ZDBF2: variants seen among roughly 807,000 people sequenced by gnomAD.
The protein encoded by ZDBF2 is DBF4-type zinc finger-containing protein 2.
ZDBF2 carries 6 observed loss-of-function variants against 9.4 expected under a neutral mutation model. That is an observed-to-expected ratio of 0.64 (90% CI 0.35 to 1.27). The LOEUF is 1.27. Among genes scored for constraint, ZDBF2 ranks in the 50% most tolerant of loss-of-function variants. The probability of loss-of-function intolerance (pLI) is 0.03; values close to 1 mark genes in which losing one functional copy is unlikely to be tolerated. For missense variants in ZDBF2, 2,697 were observed against 2,766.8 expected, an observed-to-expected ratio of 0.97 and a Z score of 0.57; for synonymous variants, 905 against 946.3, an observed-to-expected ratio of 0.96 and a Z score of 0.80.
intron 3 of ZDBF2, among the ~76,000 whole-genome samples, chr2:206,286,521 A>G (rs1379436609): frequency 6.6e-6 from 1 of 151,904 alleles, no homozygotes; most frequent in Non-Finnish European, 1.5e-5. Context: ...AGTGCATGGA[A>G]TATCTTTTTC....
chr2:206,285,105 A>G (rs911316809), intron 3 of ZDBF2, among the ~76,000 whole-genome samples: 9 of 152,188 alleles, frequency 5.9e-5, no homozygotes, highest in African/African-American at 2.2e-4. Flanking sequence ...CTGTAGTAAT[A>G]AACATGGGGA....
At chr2:206,298,570 T>C (rs12477344) in intron 4 of ZDBF2, among the ~76,000 whole-genome samples, 82,030 of 152,046 alleles carry the variant, frequency 0.54, 22,760 homozygotes, top group Admixed American at 0.6. Flanking sequence ...TCACCCAGGC[T>C]GGACTGCAGT....
At chr2:206,288,776 G>A (rs1482486949) in intron 3 of ZDBF2, among the ~76,000 whole-genome samples, 6 of 152,128 alleles carry the variant, frequency 3.9e-5, no homozygotes, top group African/African-American at 1.4e-4. Context: ...GCACAGCACT[G>A]ACCTGACTCC....
At position 206,312,725 on chromosome 2, in the gene ZDBF2, T is replaced by C. The variant is rs1200569423; in HGVS notation, c.*1132T>C. On this transcript the variant is annotated 3_prime_UTR_variant, in exon 5 of 5. Coordinates refer to ENST00000374423, the MANE Select transcript of ZDBF2 (RefSeq NM_020923.3). ...CACCATGCCCAGCCTACCATATCAGTTTTTAATAACTTGAACTGAAATTAT... is the reference window on the plus strand; with the variant it reads ...CACCATGCCCAGCCTACCATATCAGCTTTTAATAACTTGAACTGAAATTAT... The C allele has an allele frequency of 6.6e-6, 1 of 152,150 alleles. No homozygotes were observed. Among genetic ancestry groups the C allele is most frequent in the East Asian group, 1.9e-4 (1 of 5,194 alleles). 9.4% of individuals were successfully genotyped at this position (152,150 alleles called of 1,614,324 possible).
chr2:206,304,323 A>C (rs1438606521), intron 4 of ZDBF2, among the ~76,000 whole-genome samples: 1 of 152,224 alleles, frequency 6.6e-6, no homozygotes, highest in East Asian at 1.9e-4. Flanking sequence ...GTAACAATTA[A>C]TTTACTCATC....
At position 206,309,470 on chromosome 2, in the gene ZDBF2, G is replaced by A. The variant is rs1367324012; in HGVS notation, c.4942G>A (p.Val1648Met). The A allele has an allele frequency of 6.2e-7, 1 of 1,613,868 alleles. No individual in the cohort carries two copies. The highest frequency in any genetic ancestry group is 1.1e-5 in the South Asian group (1 of 91,070). ...GTCACAAGGACCTGATGAGAAAATG[G>A]TGAAATATATTGATTCAGAAGATAA... ...YESQGPDEKM[V>M]KYIDSEDKSC... Residue 1648 changes from valine to methionine, a missense_variant, in exon 5 of 5, where the codon GTG becomes ATG. This residue lies in a region of ZDBF2 where 1,783 missense variants were observed against 1,776.5 expected (regional missense o/e 1.00). Transcript: ENST00000374423.
intron 3 of ZDBF2, chr2:206,292,071 C>T (rs955369171): frequency 1.5e-5 from 6 of 398,012 alleles, no homozygotes; most frequent in African/African-American, 6.2e-5. Flanking sequence ...AAATGATTCC[C>T]GATGGAAGCT....
At chr2:206,303,068 GT>G (rs911151823) in intron 4 of ZDBF2, among the ~76,000 whole-genome samples, 11 of 152,110 alleles carry the variant, frequency 7.2e-5, no homozygotes, top group African/African-American at 2.4e-4. Context: ...ACAGTCCATG[GT>G]TTATTCAGAC....
chr2:206,309,965 G>A lies in ZDBF2; in HGVS notation c.5437G>A (p.Asp1813Asn). ...AAAGGATGTCATAGAGGATAATCCT[G>A]ATGAACCAGTTCTTGAAGCCTTGCC... ...KAKDVIEDNP[D>N]EPVLEALPHV... The change falls in exon 5 of 5, where the codon GAT becomes AAT. Residue 1813 changes from aspartate to asparagine, a missense_variant. Coordinates refer to ENST00000374423, the MANE Select transcript of ZDBF2 (RefSeq NM_020923.3). 1 of 1,613,334 alleles carries A rather than the reference G, an allele frequency of 6.2e-7. No individual in the cohort carries two copies. The highest frequency in any genetic ancestry group is 8.5e-7 in the Non-Finnish European group (1 of 1,179,746).
At position 206,274,753 on chromosome 2, in the gene ZDBF2, C is replaced by G. The variant is rs1027165984; in HGVS notation, c.-296C>G. ...GGGCCCGCGTCCTGAGAGACGCGCT[C>G]CCGCGCCGCTTCTCGCCTCCGGACC... On this transcript the variant is annotated 5_prime_UTR_variant, in exon 1 of 5. Transcript: ENST00000374423. 1 of 152,250 alleles carries G rather than the reference C, an allele frequency of 6.6e-6. No homozygotes were observed. Among genetic ancestry groups the G allele is most frequent in the Non-Finnish European group, 1.5e-5 (1 of 68,058 alleles). The allele number at this position is 152,250 out of a possible 1,614,324, so 9.4% of individuals were successfully genotyped here.
chr2:206,299,476 G>T (rs1692380244), intron 4 of ZDBF2, among the ~76,000 whole-genome samples: 2 of 151,540 alleles, frequency 1.3e-5, no homozygotes, highest in Non-Finnish European at 2.9e-5. Context: ...TTCAAGACCA[G>T]CCTGGCCAAC....
At chr2:206,286,471 C>T (rs1052164198) in intron 3 of ZDBF2, among the ~76,000 whole-genome samples, 2 of 151,766 alleles carry the variant, frequency 1.3e-5, no homozygotes, top group Admixed American at 1.3e-4. Context: ...TCTGTTTTAT[C>T]TATCATAAAT....
rs777622804 is a variant in ZDBF2 at position 206,310,740 on chromosome 2, C to T, written c.6212C>T (p.Pro2071Leu). ...AGTCCTCCCCTGAGTGTAATAGTAC[C>T]AGAGTTTGAGAGGCGTAACTGGGTT... The part of the protein sequence containing the change: ...VISPPLSVIV[P>L]EFERRNWVKI... The change falls in exon 5 of 5, where the codon CCA becomes CTA. Residue 2071 changes from proline (P) to leucine (L), a missense_variant. Pro to Leu is a moderately conservative substitution (Grantham distance 98). Around this residue, in one of 3 missense-constraint regions of ZDBF2, gnomAD observed 1,783 missense variants for 1,776.5 expected, o/e 1.00. Transcript: ENST00000374423. 1.9e-6 allele frequency: 3 copies of T among 1,613,584 alleles called. No individual in the cohort carries two copies. Among genetic ancestry groups the T allele is most frequent in the African/African-American group, 2.7e-5 (2 of 74,852 alleles).
intron 4 of ZDBF2, 137 bp from the exon 5 acceptor site, chr2:206,304,580 C>A: frequency 1.9e-6 from 2 of 1,077,960 alleles, no homozygotes; most frequent in Non-Finnish European, 1.3e-6. Context: ...CAGTGTTCAG[C>A]CTGGGGTGAC....
At chr2:206,291,507 C>A (rs1691897569) in intron 3 of ZDBF2, among the ~76,000 whole-genome samples, 1 of 152,152 alleles carries the variant, frequency 6.6e-6, no homozygotes. Context: ...ACGGCGATTT[C>A]TCTTCCTATT....
At chr2:206,287,261 C>T (rs748329306) in intron 3 of ZDBF2, among the ~76,000 whole-genome samples, 18 of 152,240 alleles carry the variant, frequency 1.2e-4, no homozygotes, top group Admixed American at 2.0e-4. Flanking sequence ...GTGAGCCTGG[C>T]CTAGCGGTGA....
At chr2:206,304,465 G>A (rs929544817) in intron 4 of ZDBF2, among the ~76,000 whole-genome samples, 2 of 151,982 alleles carry the variant, frequency 1.3e-5, no homozygotes, top group Non-Finnish European at 2.9e-5. Context: ...AATAATATAT[G>A]ATTTTATTTG....
At position 206,310,959 on chromosome 2, in the gene ZDBF2, G is replaced by T. The variant is rs764750291; in HGVS notation, c.6431G>T (p.Arg2144Ile). 1.1e-5 allele frequency: 18 copies of T among 1,613,598 alleles called. No homozygotes were observed. The highest frequency in any genetic ancestry group is 1.5e-5 in the Non-Finnish European group (18 of 1,179,812). The change falls in exon 5 of 5, where the codon AGA becomes ATA. Residue 2144 changes from arginine to isoleucine, a missense_variant. By Grantham distance (97) the Arg-to-Ile change is moderately conservative (BLOSUM62 -3). Coordinates refer to ENST00000374423, the MANE Select transcript of ZDBF2 (RefSeq NM_020923.3). ...VLHARELPKK[R>I]NFQLTFLNHD... ...CATGCTCGTGAGCTTCCAAAGAAAA[G>T]AAATTTCCAGCTAACATTTTTAAAT...
chr2:206,308,281 G>T lies in ZDBF2; in HGVS notation c.3753G>T (p.Gln1251His). 6.2e-7 allele frequency: 1 copy of T among 1,613,918 alleles called. No individual in the cohort carries two copies. Among genetic ancestry groups the T allele is most frequent in the Non-Finnish European group, 8.5e-7 (1 of 1,179,848 alleles). ...TTATGTATGATTCTGATGTTCTTCA[G>T]CCAGTGGCTGGCCAACCTGAAGAAG... ...FEIMYDSDVLQPVAGQPEEVV... is the reference protein window; with the variant it reads ...FEIMYDSDVLHPVAGQPEEVV... Residue 1251 changes from glutamine (Q) to histidine (H), a missense_variant, in exon 5 of 5, where the codon CAG (glutamine) becomes CAT (histidine). By Grantham distance (24) the Gln-to-His change is conservative. Transcript: ENST00000374423.
Sources: gnomAD v4.1 joint callset for allele counts (sites outside exome capture counted in the v4.1 genomes callset) on GRCh38, gnomAD v4.1.1 for gene constraint, gnomAD v4.1.1 regional missense constraint, MANE v1.5 for transcripts, NCBI Gene and HGNC (gene_info 2026-07-23, HGNC 2026-07-21) for gene names.